TFAP2D: variants seen among roughly 807,000 people sequenced by gnomAD.
TFAP2D encodes the protein transcription factor AP-2 delta, also known as transcription factor AP-2-delta.
Under a neutral mutation model 43.6 loss-of-function variants are expected in TFAP2D, and 9 were observed. The observed-to-expected ratio is 0.21, with a 90% CI of 0.12 to 0.36. The LOEUF is 0.36. Ranked by LOEUF, TFAP2D falls within the 10% of genes least tolerant of loss-of-function variation. The pLI is 1.00. For missense variants in TFAP2D, 513 were observed against 561.4 expected (o/e 0.91, Z 0.87); for synonymous variants, 256 against 224.9 (o/e 1.14, Z -1.24).
intron 6 of TFAP2D, among the ~76,000 whole-genome samples, chr6:50,750,148 T>G (rs1483348466): frequency 6.6e-6 from 1 of 151,994 alleles, no homozygotes; most frequent in Non-Finnish European, 1.5e-5. Context: ...CACTTTTTGG[T>G]AGTCATTTGT....
chr6:50,759,494 C>A (rs1199539326), intron 7 of TFAP2D, among the ~76,000 whole-genome samples: 1 of 152,032 alleles, frequency 6.6e-6, no homozygotes, highest in Non-Finnish European at 1.5e-5. Context: ...CTCATATCTG[C>A]TTTTTATGTT....
intron 5 of TFAP2D, among the ~76,000 whole-genome samples, chr6:50,734,000 G>C (rs1382842382): frequency 2.6e-5 from 4 of 151,836 alleles, no homozygotes; most frequent in Non-Finnish European, 5.9e-5. Context: ...GTGTGTGTGT[G>C]TGTGTGTGTG....
intron 3 of TFAP2D, among the ~76,000 whole-genome samples, chr6:50,720,864 C>A (rs1768711918): frequency 6.6e-6 from 1 of 152,178 alleles, no homozygotes. Context: ...CTTGCTACTG[C>A]AATTTTGCAT....
chr6:50,732,227 GA>G (rs1184882871), intron 5 of TFAP2D, among the ~76,000 whole-genome samples: 2 of 152,098 alleles, frequency 1.3e-5, no homozygotes, highest in African/African-American at 4.8e-5. Flanking sequence ...GAAAGAATAC[GA>G]ATATTTCTTT....
chr6:50,756,808 G>A (rs928344899), intron 7 of TFAP2D, among the ~76,000 whole-genome samples: 4 of 151,984 alleles, frequency 2.6e-5, no homozygotes, highest in African/African-American at 9.7e-5. Context: ...CAGTTCCTGG[G>A]AATAGTGGTG....
chr6:50,756,276 A>G (rs1454511842), intron 7 of TFAP2D, among the ~76,000 whole-genome samples: 25 of 152,074 alleles, frequency 1.6e-4, no homozygotes. Flanking sequence ...CTGACTTTGA[A>G]AGCAGACAAT....
intron 7 of TFAP2D, among the ~76,000 whole-genome samples, chr6:50,771,922 G>A (rs570383821): frequency 3.3e-5 from 5 of 152,192 alleles, no homozygotes; most frequent in Non-Finnish European, 7.4e-5. Context: ...AAATCATGCT[G>A]CTATAACGAC....
chr6:50,760,265 T>A (rs992123762), intron 7 of TFAP2D, among the ~76,000 whole-genome samples: 1 of 152,038 alleles, frequency 6.6e-6, no homozygotes, highest in Non-Finnish European at 1.5e-5. Flanking sequence ...CAAGGAGGAA[T>A]GCAGACATAA....
At chr6:50,730,044 A>G (rs1239399328) in intron 5 of TFAP2D, among the ~76,000 whole-genome samples, 1 of 152,018 alleles carries the variant, frequency 6.6e-6, no homozygotes, top group Non-Finnish European at 1.5e-5. Context: ...ATGTCAAAGG[A>G]AAGTTTTTTC....
At chr6:50,743,874 G>A (rs532897066) in intron 5 of TFAP2D, among the ~76,000 whole-genome samples, 11 of 152,176 alleles carry the variant, frequency 7.2e-5, no homozygotes, top group African/African-American at 2.4e-4. Context: ...ATTACAAAGT[G>A]CTACTAAGAT....
At chr6:50,767,638 T>C (rs563701482) in intron 7 of TFAP2D, among the ~76,000 whole-genome samples, 5 of 152,168 alleles carry the variant, frequency 3.3e-5, no homozygotes, top group Non-Finnish European at 7.3e-5. Flanking sequence ...CCCTTTTTCA[T>C]CAGTATCATC....
chr6:50,718,844 T>C (rs1249592477), intron 2 of TFAP2D, among the ~76,000 whole-genome samples: 1 of 152,238 alleles, frequency 6.6e-6, no homozygotes, highest in Non-Finnish European at 1.5e-5. Context: ...CCAGGCACTT[T>C]GAAGTGTAAT....
Position 50,757,473 on chromosome 6 carries a change from A to C in TFAP2D, c.1139+6149A>C, listed in dbSNP as rs6899593. On this transcript the variant is annotated intron_variant, in intron 7 of 7. Coordinates refer to ENST00000008391, the MANE Select transcript of TFAP2D (RefSeq NM_172238.4). Reference sequence around the variant, plus strand: ...ATTCTATATATATATAATATATATAATTATTCTATATATATATAATATATA... The same window carrying C: ...ATTCTATATATATATAATATATATACTTATTCTATATATATATAATATATA... Among the ~76,000 whole-genome samples the C allele has an allele frequency of 2.4e-3, 266 of 109,072 alleles. 5 individuals carry two copies. Among genetic ancestry groups the C allele is most frequent in the African/African-American group, 7.6e-3 (210 of 27,676 alleles). The allele number at this position is 109,072 out of a possible 152,430, so 71.6% of individuals were successfully genotyped here.
intron 3 of TFAP2D, among the ~76,000 whole-genome samples, chr6:50,725,875 A>G (rs1158261976): frequency 2.0e-5 from 3 of 152,216 alleles, no homozygotes; most frequent in Non-Finnish European, 4.4e-5. Flanking sequence ...TTTAGCCAGG[A>G]CTAGAGAGTT....
intron 5 of TFAP2D, among the ~76,000 whole-genome samples, chr6:50,737,127 C>G (rs182808190): frequency 6.6e-6 from 1 of 151,980 alleles, no homozygotes; most frequent in East Asian, 1.9e-4. Flanking sequence ...ACCACAGACA[C>G]ATGCCACCAT....
At chr6:50,768,013 A>G (rs1769467759) in intron 7 of TFAP2D, among the ~76,000 whole-genome samples, 1 of 152,204 alleles carries the variant, frequency 6.6e-6, no homozygotes, top group South Asian at 2.1e-4. Context: ...TCAAACCATC[A>G]TGGGCCATTT....
intron 7 of TFAP2D, among the ~76,000 whole-genome samples, chr6:50,762,934 G>A (rs1035343629): frequency 6.6e-6 from 1 of 152,066 alleles, no homozygotes; most frequent in Non-Finnish European, 1.5e-5. Context: ...AGTCCGCCTA[G>A]CTATGCTCCA....
chr6:50,739,616 G>A (rs1769009590), intron 5 of TFAP2D, among the ~76,000 whole-genome samples: 1 of 152,042 alleles, frequency 6.6e-6, no homozygotes. Flanking sequence ...CACTGATAGA[G>A]GGATATACTC....
chr6:50,741,092 T>C (rs1561936432), intron 5 of TFAP2D, among the ~76,000 whole-genome samples: 2 of 151,840 alleles, frequency 1.3e-5, no homozygotes, highest in African/African-American at 2.4e-5. Context: ...ATTAAATATC[T>C]GTATTTAATA....
Sources: allele counts gnomAD v4.1 joint callset (sites outside exome capture counted in the v4.1 genomes callset), GRCh38; gene constraint gnomAD v4.1.1; transcripts MANE v1.5; gene names NCBI Gene and HGNC (gene_info 2026-07-23, HGNC 2026-07-21).